Variants in HCAR1 observed in about 807,000 individuals in gnomAD.
HCAR1 encodes the protein hydroxycarboxylic acid receptor 1.
For synonymous variants in HCAR1, 183 were observed against 182.1 expected (o/e 1.01, Z -0.04); for missense variants, 445 against 448.7 (o/e 0.99, Z 0.07).
Position 122,727,598 on chromosome 12 carries a change from G to A in HCAR1, c.*1701C>T, listed in dbSNP as rs1300485736. The A allele has an allele frequency of 6.6e-6, 1 of 152,176 alleles. No homozygotes were observed. The highest frequency in any genetic ancestry group is 6.6e-5 in the Admixed American group (1 of 15,250). 9.4% of individuals were successfully genotyped at this position (152,176 alleles called of 1,614,324 possible). On this transcript the variant is annotated 3_prime_UTR_variant, in exon 1 of 1. Transcript: ENST00000432564. Reference sequence around the variant, plus strand: ...TTCTCCTGCCTCAGCCTCCCGAATAGCTGGGATTATAGGCATGCGCCACCA... The same window carrying A: ...TTCTCCTGCCTCAGCCTCCCGAATAACTGGGATTATAGGCATGCGCCACCA...
In HCAR1 at chr12:122,729,304, G is replaced by A; in HGVS notation, c.1036C>T (p.His346Tyr). The A allele has an allele frequency of 6.2e-7, 1 of 1,613,070 alleles. No homozygotes were observed. The highest frequency in any genetic ancestry group is 8.5e-7 in the Non-Finnish European group (1 of 1,179,304). ...GQWDPHIVEW[H>Y] ...AGTGTTGTTGGTCTGCTTGTTCAGT[G>A]CCACTCAACAATGTGGGGATCCCAT... is the stretch of plus-strand genomic sequence containing the variant. The change falls in exon 1 of 1, where the codon CAC becomes TAC. Residue 346 changes from histidine (H) to tyrosine (Y), a missense_variant. Physicochemically the swap from His to Tyr is moderately conservative, Grantham distance 83 (BLOSUM62 2). Coordinates refer to ENST00000432564, the MANE Select transcript of HCAR1 (RefSeq NM_032554.4).
rs1367752840 is a variant in HCAR1 at position 122,726,611 on chromosome 12, T to G, written c.*2688A>C. The G allele has an allele frequency of 2.0e-5, 3 of 152,040 alleles. No homozygotes were observed. The highest frequency in any genetic ancestry group is 4.4e-5 in the Non-Finnish European group (3 of 68,020). 9.4% of individuals were successfully genotyped at this position (152,040 alleles called of 1,614,324 possible). ...CGAGGAAAATGAAGCTACAAATGAT[T>G]AAATAAAATCTGCCAGGCTGGGCGG... On this transcript the variant is annotated 3_prime_UTR_variant, in exon 1 of 1. Coordinates refer to ENST00000432564, the MANE Select transcript of HCAR1 (RefSeq NM_032554.4).
Position 122,730,240 on chromosome 12 carries a change from C to T in HCAR1, c.100G>A (p.Gly34Arg), listed in dbSNP as rs937680432. 1 of 1,614,064 alleles carries T rather than the reference C, an allele frequency of 6.2e-7. No individual in the cohort carries two copies. The highest frequency in any genetic ancestry group is 2.2e-5 in the East Asian group (1 of 44,868). ...AAGCAGAAACCACACAGGGCGACCC[C>T]ATTGCCTAGTGCGCCCAGCACAAAG... is the stretch of plus-strand genomic sequence containing the variant. ...VAFVLGALGN[G>R]VALCGFCFHM... The change falls in exon 1 of 1, where the codon GGG (glycine) becomes AGG (arginine). Residue 34 changes from glycine (G) to arginine (R), a missense_variant. Coordinates refer to ENST00000432564, the MANE Select transcript of HCAR1 (RefSeq NM_032554.4).
Position 122,729,683 on chromosome 12 carries a change from G to T in HCAR1, c.657C>A (p.Thr219=), listed in dbSNP as rs767155988. Reference sequence around the variant, plus strand: ...CAATTGCCACCACCATGATGAACCGGGTCGCCTTCTTCATCCGAGCCTGTC... The same window carrying T: ...CAATTGCCACCACCATGATGAACCGTGTCGCCTTCTTCATCCGAGCCTGTC... ...LARQARMKKA[T]RFIMVVAIVF... Residue 219 remains threonine (T), a synonymous_variant, in exon 1 of 1, where the codon ACC becomes ACA. Coordinates refer to ENST00000432564, the MANE Select transcript of HCAR1 (RefSeq NM_032554.4). 14 of 1,613,852 alleles carry T rather than the reference G, an allele frequency of 8.7e-6. No individual in the cohort carries two copies. Among genetic ancestry groups the T allele is most frequent in the Non-Finnish European group, 1.2e-5 (14 of 1,180,030 alleles).
Position 122,730,409 on chromosome 12 carries a change from C to G in HCAR1, c.-70G>C, listed in dbSNP as rs1690078899. The stretch of plus-strand genomic sequence containing the variant: ...TCCCCACAATGGCACAGATGCTTAT[C>G]TGAGCGTTAGCACTCACCCAGCTGC... On this transcript the variant is annotated 5_prime_UTR_variant, in exon 1 of 1. Transcript: ENST00000432564. The G allele has an allele frequency of 1.6e-6, 2 of 1,266,822 alleles. No homozygotes were observed. The highest frequency in any genetic ancestry group is 3.1e-5 in the South Asian group (2 of 65,392). The allele number at this position is 1,266,822 out of a possible 1,614,324, so 78.5% of individuals were successfully genotyped here.
Position 122,730,147 on chromosome 12 carries a change from T to C in HCAR1, c.193A>G (p.Met65Val), listed in dbSNP as rs996818327. The C allele has an allele frequency of 1.9e-6, 3 of 1,614,060 alleles. No individual in the cohort carries two copies. The South Asian group carries it at 3.3e-5, about 18-fold the overall frequency. Reference sequence around the variant, plus strand: ...TCTGTCCGAAAAGGCAGGCAGATCATAAGGAGGAAATCAGCCACGGCCAAA... The same window carrying C: ...TCTGTCCGAAAAGGCAGGCAGATCACAAGGAGGAAATCAGCCACGGCCAAA... Reference protein sequence around the residue: ...FNLAVADFLLMICLPFRTDYY... With the variant: ...FNLAVADFLLVICLPFRTDYY... Residue 65 changes from methionine to valine, a missense_variant, in exon 1 of 1, where the codon ATG becomes GTG. Physicochemically the swap from Met to Val is conservative, Grantham distance 21. Transcript: ENST00000432564.
chr12:122,727,405 A>T lies in HCAR1; in HGVS notation c.*1894T>A, dbSNP rs1201757021. On this transcript the variant is annotated 3_prime_UTR_variant, in exon 1 of 1. Transcript: ENST00000432564. ...TCACTAGGCTGCACAGTGCCTCTGAAAAAAGGAATAATAGGGACAGCCTAG... is the reference window on the plus strand; with the variant it reads ...TCACTAGGCTGCACAGTGCCTCTGATAAAAGGAATAATAGGGACAGCCTAG... 1.3e-5 allele frequency: 2 copies of T among 152,176 alleles called. No homozygotes were observed. Among genetic ancestry groups the T allele is most frequent in the East Asian group, 3.8e-4 (2 of 5,202 alleles). 9.4% of individuals were successfully genotyped at this position (152,176 alleles called of 1,614,324 possible).
At position 122,730,464 on chromosome 12, in the gene HCAR1, G is replaced by T; in HGVS notation, c.-125C>A. 1 of 727,104 alleles carries T rather than the reference G, an allele frequency of 1.4e-6. No individual in the cohort carries two copies. Among genetic ancestry groups the T allele is most frequent in the Non-Finnish European group, 2.2e-6 (1 of 455,772 alleles). 45.0% of individuals were successfully genotyped at this position (727,104 alleles called of 1,614,324 possible). A position where few individuals can be genotyped will look rare whatever the true frequency, so the allele number is the denominator to read the frequency against. Reference sequence around the variant, plus strand: ...TGTCTGACTTCATCACCCAGGATGCGGGTCCTGTGTGTGTGGGTTGGATGC... The same window carrying T: ...TGTCTGACTTCATCACCCAGGATGCTGGTCCTGTGTGTGTGGGTTGGATGC... On this transcript the variant is annotated 5_prime_UTR_variant, in exon 1 of 1. Coordinates refer to ENST00000432564, the MANE Select transcript of HCAR1 (RefSeq NM_032554.4).
In HCAR1 at chr12:122,727,933, A is replaced by G. The variant is rs1421528024; in HGVS notation, c.*1366T>C. 3 of 152,218 alleles carry G rather than the reference A, an allele frequency of 2.0e-5. No individual in the cohort carries two copies. Among genetic ancestry groups the G allele is most frequent in the Non-Finnish European group, 4.4e-5 (3 of 68,032 alleles). The allele number at this position is 152,218 out of a possible 1,614,324, so 9.4% of individuals were successfully genotyped here. On this transcript the variant is annotated 3_prime_UTR_variant, in exon 1 of 1. Coordinates refer to ENST00000432564, the MANE Select transcript of HCAR1 (RefSeq NM_032554.4). ...GCAGGGGCAGCTTGTCATTTCGTAGAGTCCTCTGTTTCGAGGGGTCCAGGT... is the reference window on the plus strand; with the variant it reads ...GCAGGGGCAGCTTGTCATTTCGTAGGGTCCTCTGTTTCGAGGGGTCCAGGT...
rs1877793768 is a variant in HCAR1 at position 122,726,548 on chromosome 12, C to T, written c.*2751G>A. The T allele has an allele frequency of 6.6e-6, 1 of 152,128 alleles. No homozygotes were observed. Among genetic ancestry groups the T allele is most frequent in the Admixed American group, 6.6e-5 (1 of 15,260 alleles). 9.4% of individuals were successfully genotyped at this position (152,128 alleles called of 1,614,324 possible). A position where few individuals can be genotyped will look rare whatever the true frequency, so the allele number is the denominator to read the frequency against. ...TACATTCATTTAAACTGCCCAATGA[C>T]ACACTGAGGTTGTATTACAGTATCC... On this transcript the variant is annotated 3_prime_UTR_variant, in exon 1 of 1. Coordinates refer to ENST00000432564, the MANE Select transcript of HCAR1 (RefSeq NM_032554.4).
In HCAR1 at chr12:122,728,618, GA is replaced by G. The variant is rs1566051944; in HGVS notation, c.*680del. 6.5e-6 allele frequency: 1 copy of G among 152,686 alleles called. No homozygotes were observed. Among genetic ancestry groups the G allele is most frequent in the Non-Finnish European group, 1.5e-5 (1 of 68,418 alleles). The allele number at this position is 152,686 out of a possible 1,614,324, so 9.5% of individuals were successfully genotyped here. ...CTGCTAACTGCCCCATAGCCCCTAA[GA>G]GAGTGAACATGCCCCATTCAAACAC... On this transcript the variant is annotated 3_prime_UTR_variant, in exon 1 of 1. Transcript: ENST00000432564.
Position 122,728,958 on chromosome 12 carries a change from C to T in HCAR1, c.*341G>A, listed in dbSNP as rs35614826. 3,137 of 282,638 alleles carry T rather than the reference C, an allele frequency of 0.011. 84 individuals carry two copies. The highest frequency in any genetic ancestry group is 0.06 in the African/African-American group (2,723 of 45,354). The allele number at this position is 282,638 out of a possible 1,614,324, so 17.5% of individuals were successfully genotyped here. ...CTCCAGCCTGGGACACAGAGTGAGACTCTGTCTCAAAACAAAAACAAACAA... is the reference window on the plus strand; with the variant it reads ...CTCCAGCCTGGGACACAGAGTGAGATTCTGTCTCAAAACAAAAACAAACAA... On this transcript the variant is annotated 3_prime_UTR_variant, in exon 1 of 1. Transcript: ENST00000432564.
In HCAR1 at chr12:122,728,784, T is replaced by C. The variant is rs1298007096; in HGVS notation, c.*515A>G. On this transcript the variant is annotated 3_prime_UTR_variant, in exon 1 of 1. Coordinates refer to ENST00000432564, the MANE Select transcript of HCAR1 (RefSeq NM_032554.4). ...GAGCTCGAGACCAGCCTGGCCAACA[T>C]GGCAAAACCCTGTCTCTACTAAAAA... The C allele has an allele frequency of 1.9e-5, 3 of 160,404 alleles. No individual in the cohort carries two copies. Among genetic ancestry groups the C allele is most frequent in the African/African-American group, 4.8e-5 (2 of 41,490 alleles). 9.9% of individuals were successfully genotyped at this position (160,404 alleles called of 1,614,324 possible).
chr12:122,727,889 T>C lies in HCAR1; in HGVS notation c.*1410A>G, dbSNP rs1208059913. 6.6e-6 allele frequency: 1 copy of C among 152,218 alleles called. No homozygotes were observed. Among genetic ancestry groups the C allele is most frequent in the Non-Finnish European group, 1.5e-5 (1 of 68,044 alleles). 9.4% of individuals were successfully genotyped at this position (152,218 alleles called of 1,614,324 possible). ...GAAAGGAGCTAGAGTTGGCCTGGAA[T>C]GTTTCCCCCTAATTCAGGGCAGGGG... On this transcript the variant is annotated 3_prime_UTR_variant, in exon 1 of 1. Coordinates refer to ENST00000432564, the MANE Select transcript of HCAR1 (RefSeq NM_032554.4).
Position 122,729,531 on chromosome 12 carries a change from T to G in HCAR1, c.809A>C (p.Asn270Thr). The change falls in exon 1 of 1, where the codon AAC (asparagine) becomes ACC (threonine). Residue 270 changes from asparagine to threonine, a missense_variant. Transcript: ENST00000432564. ...ATACACCAGGGGATCCAGCATGCTG[T>G]TCATGTAGGTGAAGCTGAGGGTTAT... ...LHITLSFTYMNSMLDPLVYYF... is the reference protein window; with the variant it reads ...LHITLSFTYMTSMLDPLVYYF... 3.7e-6 allele frequency: 6 copies of G among 1,614,010 alleles called. No individual in the cohort carries two copies. The highest frequency in any genetic ancestry group is 4.2e-6 in the Non-Finnish European group (5 of 1,180,008).
At position 122,726,367 on chromosome 12, in the gene HCAR1, A is replaced by G. The variant is rs890361037; in HGVS notation, c.*2932T>C. 6.6e-6 allele frequency: 1 copy of G among 152,248 alleles called. No individual in the cohort carries two copies. Among genetic ancestry groups the G allele is most frequent in the Admixed American group, 6.5e-5 (1 of 15,288 alleles). The allele number at this position is 152,248 out of a possible 1,614,324, so 9.4% of individuals were successfully genotyped here. ...GTAAAACGTGTTAATATAAGAAGTCATAATATTGAGCACTTACTGCCAGGC... is the reference window on the plus strand; with the variant it reads ...GTAAAACGTGTTAATATAAGAAGTCGTAATATTGAGCACTTACTGCCAGGC... On this transcript the variant is annotated 3_prime_UTR_variant, in exon 1 of 1. Coordinates refer to ENST00000432564, the MANE Select transcript of HCAR1 (RefSeq NM_032554.4).
Position 122,730,438 on chromosome 12 carries a change from G to T in HCAR1, c.-99C>A. 1 of 937,400 alleles carries T rather than the reference G, an allele frequency of 1.1e-6. No homozygotes were observed. Among genetic ancestry groups the T allele is most frequent in the South Asian group, 1.9e-5 (1 of 52,126 alleles). The allele number at this position is 937,400 out of a possible 1,614,324, so 58.1% of individuals were successfully genotyped here. ...GCGTTAGCACTCACCCAGCTGCTGCGTGTCTGACTTCATCACCCAGGATGC... is the reference window on the plus strand; with the variant it reads ...GCGTTAGCACTCACCCAGCTGCTGCTTGTCTGACTTCATCACCCAGGATGC... On this transcript the variant is annotated 5_prime_UTR_variant, in exon 1 of 1. Transcript: ENST00000432564.
At position 122,730,180 on chromosome 12, in the gene HCAR1, G is replaced by A; in HGVS notation, c.160C>T (p.Leu54Phe). The A allele has an allele frequency of 1.2e-6, 2 of 1,614,162 alleles. No individual in the cohort carries two copies. The highest frequency in any genetic ancestry group is 1.7e-6 in the Non-Finnish European group (2 of 1,180,016). ...AAATCAGCCACGGCCAAATTGAAAAGGTAAACAGTGCTGGGCTTCCAGGTC... is the reference window on the plus strand; with the variant it reads ...AAATCAGCCACGGCCAAATTGAAAAAGTAAACAGTGCTGGGCTTCCAGGTC... ...MKTWKPSTVYLFNLAVADFLL... is the reference protein window; with the variant it reads ...MKTWKPSTVYFFNLAVADFLL... The change falls in exon 1 of 1, where the codon CTT becomes TTT. Residue 54 changes from leucine (L) to phenylalanine (F), a missense_variant. By Grantham distance (22) the Leu-to-Phe change is conservative. Transcript: ENST00000432564.
Position 122,727,718 on chromosome 12 carries a change from C to T in HCAR1, c.*1581G>A, listed in dbSNP as rs1400150383. 6.6e-6 allele frequency: 1 copy of T among 152,234 alleles called. No homozygotes were observed. Among genetic ancestry groups the T allele is most frequent in the African/African-American group, 2.4e-5 (1 of 41,448 alleles). 9.4% of individuals were successfully genotyped at this position (152,234 alleles called of 1,614,324 possible). ...CTGACCTCAGGTGATCCGCCTCAGT[C>T]TCCCAAAGTGCTGGGATCACAAGCG... On this transcript the variant is annotated 3_prime_UTR_variant, in exon 1 of 1. Coordinates refer to ENST00000432564, the MANE Select transcript of HCAR1 (RefSeq NM_032554.4).
Sources: gnomAD v4.1 joint callset for allele counts on GRCh38, gnomAD v4.1.1 for gene constraint, MANE v1.5 for transcripts, NCBI Gene and HGNC (gene_info 2026-07-23, HGNC 2026-07-21) for gene names.